TCF20: variants seen among roughly 807,000 people sequenced by gnomAD.
TCF20 encodes the protein transcription factor 20.
A neutral mutation model predicts 148.6 loss-of-function variants in TCF20; 3 were observed. That is an observed-to-expected ratio of 0.02 (90% CI 0.01 to 0.05). TCF20 has a LOEUF of 0.05. TCF20 is among the 10% of genes least tolerant of loss of function. TCF20 has a pLI of 1.00. For synonymous variants in TCF20, 1,049 were observed against 909.5 expected, an observed-to-expected ratio of 1.15 and a Z score of -2.76; for missense variants, 2,350 against 2,429.3, an observed-to-expected ratio of 0.97 and a Z score of 0.69.
intron 3 of TCF20, among the ~76,000 whole-genome samples, chr22:42,176,522 ATGGACAGCGTGGCTGCCTCCG>A (rs1037130319): frequency 6.6e-6 from 1 of 152,100 alleles, no homozygotes; most frequent in Non-Finnish European, 1.5e-5. Flanking sequence ...CCCGCCTCCT[ATGGACAGCGTGGCTGCCTCCG>A]TGGACAGCCC....
upstream of TCF20, among the ~76,000 whole-genome samples, chr22:42,272,749 G>A (rs773575572): frequency 2.6e-5 from 4 of 152,204 alleles, no homozygotes; most frequent in Non-Finnish European, 5.9e-5. Context: ...GGTTCCATCT[G>A]GAAAAAGAAC....
At chr22:42,333,877 G>C (rs1340062643) in intron 1 of TCF20, among the ~76,000 whole-genome samples, 2 of 152,226 alleles carry the variant, frequency 1.3e-5, no homozygotes, top group Non-Finnish European at 2.9e-5. Flanking sequence ...GGCTCCTCCA[G>C]GTGCCACTGG....
At chr22:42,230,722 A>C (rs1923323237) in intron 1 of TCF20, among the ~76,000 whole-genome samples, 2 of 152,144 alleles carry the variant, frequency 1.3e-5, no homozygotes, top group Admixed American at 1.3e-4. Context: ...CTGACCCTAA[A>C]GACCTTCCAG....
chr22:42,231,516 G>T (rs1464032542), intron 1 of TCF20, among the ~76,000 whole-genome samples: 1 of 152,042 alleles, frequency 6.6e-6, no homozygotes, highest in African/African-American at 2.4e-5. Context: ...AAAGTTTATA[G>T]AATAACACAA....
chr22:42,174,891 C>T (rs9611749), intron 3 of TCF20, among the ~76,000 whole-genome samples: 4 of 152,036 alleles, frequency 2.6e-5, no homozygotes, highest in Non-Finnish European at 2.9e-5. Flanking sequence ...AAAAATTAGC[C>T]GGGCGTGGCG....
chr22:42,219,355 CAAAAAAAAAAAAAAA>C (rs528664836), intron 1 of TCF20, among the ~76,000 whole-genome samples: 5 of 43,596 alleles, frequency 1.1e-4, no homozygotes, highest in Non-Finnish European at 1.7e-4. Context: ...AACCCTGTCT[CAAAAAAAAAAAAAAA>C]AAAAAAAAAA....
At chr22:42,254,590 T>C (rs1190072733) in intron 1 of TCF20, among the ~76,000 whole-genome samples, 2 of 152,220 alleles carry the variant, frequency 1.3e-5, no homozygotes, top group African/African-American at 2.4e-5. Context: ...AAGGCAGGAC[T>C]CTAATCCTTT....
chr22:42,327,902 G>A (rs1380300190), intron 1 of TCF20, among the ~76,000 whole-genome samples: 1 of 151,526 alleles, frequency 6.6e-6, no homozygotes, highest in African/African-American at 2.4e-5. Flanking sequence ...CCTACCGCAG[G>A]GGCTTTGCAC....
At chr22:42,251,650 T>G (rs1925380874) in intron 1 of TCF20, among the ~76,000 whole-genome samples, 1 of 151,068 alleles carries the variant, frequency 6.6e-6, no homozygotes, top group South Asian at 2.1e-4. Context: ...CTACAGGCAC[T>G]TGCAACCATG....
chr22:42,266,470 G>A (rs1926293194), intron 1 of TCF20, among the ~76,000 whole-genome samples: 2 of 152,184 alleles, frequency 1.3e-5, no homozygotes, highest in Non-Finnish European at 2.9e-5. Context: ...ATCTTACAGA[G>A]TTTTAAAAAG....
chr22:42,161,305 A>G lies in TCF20; in HGVS notation c.*98T>C. 1 of 1,613,480 alleles carries G rather than the reference A, an allele frequency of 6.2e-7. No homozygotes were observed. Among genetic ancestry groups the G allele is most frequent in the East Asian group, 2.2e-5 (1 of 44,854 alleles). On this transcript the variant is annotated 3_prime_UTR_variant, in exon 6 of 6. Coordinates refer to ENST00000677622, the MANE Select transcript of TCF20 (RefSeq NM_001378418.1). ...GGGCAGGGTGTGGCTGCACGGTAGG[A>G]CGATTTCCATTCCATCACGAGTGTC... is the stretch of plus-strand genomic sequence containing the variant.
chr22:42,214,295 C>T lies in TCF20; in HGVS notation c.1011G>A (p.Lys337=). The T allele has an allele frequency of 6.2e-7, 1 of 1,614,208 alleles. No homozygotes were observed. The highest frequency in any genetic ancestry group is 1.3e-5 in the African/African-American group (1 of 75,058). Residue 337 remains lysine (K), a synonymous_variant, in exon 2 of 6, where the codon AAG becomes AAA. Transcript: ENST00000677622. ...HVMQYTNAAT[K]LPLQSQVGQY... ...GCCCCACTTGGCTTTGCAGGGGCAG[C>T]TTGGTGGCAGCGTTAGTATACTGCA...
intron 2 of TCF20, among the ~76,000 whole-genome samples, chr22:42,182,899 G>A (rs1224991495): frequency 6.6e-6 from 1 of 152,086 alleles, no homozygotes; most frequent in Non-Finnish European, 1.5e-5. Flanking sequence ...ACCACACCTG[G>A]CAACTTTTTG....
chr22:42,217,875 C>T (rs568077574), intron 1 of TCF20, among the ~76,000 whole-genome samples: 79 of 152,168 alleles, frequency 5.2e-4, no homozygotes, highest in Non-Finnish European at 1.0e-3. Flanking sequence ...AAGCTTGACC[C>T]ATATCTTGAA....
upstream of TCF20, among the ~76,000 whole-genome samples, chr22:42,270,822 G>A (rs1926585811): frequency 1.3e-5 from 2 of 148,326 alleles, no homozygotes; most frequent in African/African-American, 2.4e-5. Flanking sequence ...GCTGGCGCGC[G>A]CCGGGTAGGG....
chr22:42,283,230 T>G (rs1926946232), intron 1 of TCF20, among the ~76,000 whole-genome samples: 1 of 152,122 alleles, frequency 6.6e-6, no homozygotes, highest in African/African-American at 2.4e-5. Flanking sequence ...TGCCCCTCCT[T>G]TGTCCCGCAT....
chr22:42,241,766 G>A (rs1924423507), intron 1 of TCF20, among the ~76,000 whole-genome samples: 1 of 152,168 alleles, frequency 6.6e-6, no homozygotes, highest in Non-Finnish European at 1.5e-5. Flanking sequence ...GGCAGAGGGT[G>A]CAGTGAGAGC....
intron 1 of TCF20, among the ~76,000 whole-genome samples, chr22:42,298,105 C>T (rs796258078): frequency 3.3e-5 from 5 of 152,310 alleles, no homozygotes; most frequent in African/African-American, 1.2e-4. Flanking sequence ...GTGACTTGCC[C>T]AAAGTCACAC....
chr22:42,258,059 G>A (rs1925838642), intron 1 of TCF20, among the ~76,000 whole-genome samples: 1 of 152,194 alleles, frequency 6.6e-6, no homozygotes, highest in Non-Finnish European at 1.5e-5. Flanking sequence ...ACAAAAAGTT[G>A]TGTCCAAATC....
Sources: gnomAD v4.1 joint callset for allele counts (sites outside exome capture counted in the v4.1 genomes callset) on GRCh38, gnomAD v4.1.1 for gene constraint, MANE v1.5 for transcripts, NCBI Gene and HGNC (gene_info 2026-07-23, HGNC 2026-07-21) for gene names.